The following RBM25 variants were observed in gnomAD, a reference collection of about 807,000 sequenced individuals.
The protein encoded by RBM25 is RNA binding motif protein 25, also known as RNA-binding protein 25.
In RBM25, 19 loss-of-function variants were observed where a neutral mutation model predicts 120.7. The ratio of observed to expected loss-of-function variants is 0.16; its 90% confidence interval spans 0.11 to 0.23. The LOEUF (loss-of-function observed/expected upper bound fraction) is 0.23. RBM25 is among the 10% of genes least tolerant of loss of function. RBM25 has a pLI of 1.00. For synonymous variants in RBM25, 390 were observed against 326.7 expected, an observed-to-expected ratio of 1.19 and a Z score of -2.09; for missense variants, 605 against 1,041.5, an observed-to-expected ratio of 0.58 and a Z score of 5.77.
chr14:73,115,153 C>CGTGTGTGTGTGTGTGTGTGTGTGT (rs33924709), intron 18 of RBM25, among the ~76,000 whole-genome samples: 2 of 146,678 alleles, frequency 1.4e-5, no homozygotes, highest in African/African-American at 5.0e-5. Flanking sequence ...GGAACTGATA[C>CGTGTGTGTGTGTGTGTGTGTGTGT]GTGTGTGTGT....
intron 18 of RBM25, among the ~76,000 whole-genome samples, chr14:73,116,023 G>A (rs915164288): frequency 1.3e-5 from 2 of 152,084 alleles, no homozygotes; most frequent in Admixed American, 6.5e-5. Flanking sequence ...CCAGATAGCT[G>A]CTCTTACAGT....
intron 6 of RBM25, among the ~76,000 whole-genome samples, chr14:73,095,874 T>C (rs1398916739): frequency 6.6e-6 from 1 of 152,174 alleles, no homozygotes; most frequent in Admixed American, 6.5e-5. Flanking sequence ...AGTAAGTCGT[T>C]AAAAACTTTG....
chr14:73,097,497 C>T (rs1895974473), intron 7 of RBM25, among the ~76,000 whole-genome samples: 1 of 152,104 alleles, frequency 6.6e-6, no homozygotes, highest in Non-Finnish European at 1.5e-5. Context: ...CCGTGCCCGG[C>T]CACATTTTAA....
At chr14:73,071,873 G>A (rs935581254) in intron 2 of RBM25, 126 bp downstream of exon 2, 157 of 690,262 alleles carry the variant, frequency 2.3e-4, no homozygotes, top group Non-Finnish European at 2.7e-5. Context: ...TTTGGGAAAT[G>A]TGGATGTCTC....
chr14:73,092,403 G>A (rs1895839045), intron 6 of RBM25, among the ~76,000 whole-genome samples: 1 of 152,054 alleles, frequency 6.6e-6, no homozygotes, highest in African/African-American at 2.4e-5. Context: ...TTAAGTAGAG[G>A]ATAGGAGAAT....
chr14:73,076,925 C>G (rs1744628235), intron 3 of RBM25, among the ~76,000 whole-genome samples: 1 of 152,134 alleles, frequency 6.6e-6, no homozygotes, highest in African/African-American at 2.4e-5. Flanking sequence ...ACTAAAAATA[C>G]AAAAAATTAT....
chr14:73,059,542 C>CT (rs1894950292), intron 1 of RBM25: 1 of 152,124 alleles, frequency 6.6e-6, no homozygotes, highest in Admixed American at 6.6e-5. Context: ...CATTTTGATA[C>CT]TGGGCAGAGT....
At chr14:73,098,474 C>T (rs1035844669) in intron 7 of RBM25, among the ~76,000 whole-genome samples, 19 of 151,928 alleles carry the variant, frequency 1.3e-4, no homozygotes, top group Admixed American at 3.9e-4. Context: ...AAAAGTACTA[C>T]GTGGTATATA....
At chr14:73,082,075 T>C (rs1465149675) in intron 4 of RBM25, among the ~76,000 whole-genome samples, 1 of 152,240 alleles carries the variant, frequency 6.6e-6, no homozygotes, top group East Asian at 1.9e-4. Flanking sequence ...GATGTTGAGC[T>C]TCCAGGTTTG....
intron 2 of RBM25, among the ~76,000 whole-genome samples, chr14:73,074,123 A>G (rs1427270144): frequency 6.6e-6 from 1 of 152,214 alleles, no homozygotes; most frequent in Non-Finnish European, 1.5e-5. Context: ...TGTTTTGAAC[A>G]ACTTTCATTT....
rs562240358 is a variant in RBM25, at chr14:73,122,078, T to G, written c.*2273T>G. Reference sequence around the variant, plus strand: ...TTTTTAGAATTGTATATATAAAGAATTAGACATTAAACAGGCATATTCTAG... The same window carrying G: ...TTTTTAGAATTGTATATATAAAGAAGTAGACATTAAACAGGCATATTCTAG... On this transcript the variant is annotated 3_prime_UTR_variant, in exon 19 of 19. Transcript: ENST00000261973. 6.6e-6 allele frequency: 1 copy of G among 152,316 alleles called. No homozygotes were observed. Among genetic ancestry groups the G allele is most frequent in the East Asian group, 1.9e-4 (1 of 5,188 alleles). 9.4% of individuals were successfully genotyped at this position (152,316 alleles called of 1,614,324 possible).
At chr14:73,113,147 G>A (rs1341518565) in intron 17 of RBM25, among the ~76,000 whole-genome samples, 3 of 151,874 alleles carry the variant, frequency 2.0e-5, no homozygotes, top group East Asian at 3.9e-4. Context: ...CCCACCCGCC[G>A]ACAGGCCCAG....
At chr14:73,107,070 T>A (rs1896206028) in intron 12 of RBM25, among the ~76,000 whole-genome samples, 1 of 151,870 alleles carries the variant, frequency 6.6e-6, no homozygotes, top group African/African-American at 2.4e-5. Flanking sequence ...CAAACTCCTG[T>A]CCTCAAATGA....
intron 1 of RBM25, among the ~76,000 whole-genome samples, chr14:73,063,339 C>T (rs1372060699): frequency 2.0e-5 from 3 of 150,782 alleles, no homozygotes; most frequent in African/African-American, 4.9e-5. Context: ...TTAGTAGAGA[C>T]GAGATTTCAC....
Position 73,080,490 on chromosome 14 carries a change from TG to T in RBM25, c.324+2957del, listed in dbSNP as rs1300241790. On this transcript the variant is annotated intron_variant, in intron 4 of 18. Transcript: ENST00000261973. ...TGCCCGCTTTGGCCTCCCAAAGTGC[TG>T]GGATTACAGGCGTGAGCCACCGCGC... Among the ~76,000 whole-genome samples the T allele has an allele frequency of 2.6e-5, 4 of 152,316 alleles. No homozygotes were observed. In the East Asian group the frequency reaches 5.8e-4, roughly 22 times the overall value.
At chr14:73,086,994 T>C (rs1311594471) in intron 5 of RBM25, among the ~76,000 whole-genome samples, 3 of 152,210 alleles carry the variant, frequency 2.0e-5, no homozygotes, top group East Asian at 3.9e-4. Context: ...CATGAGCCAC[T>C]GCGCCCGGCC....
At chr14:73,059,951 TTAAATC>T (rs1407145112) in intron 1 of RBM25, among the ~76,000 whole-genome samples, 1 of 152,224 alleles carries the variant, frequency 6.6e-6, no homozygotes, top group Non-Finnish European at 1.5e-5. Context: ...ACATAAGCAT[TTAAATC>T]TATATTGACA....
chr14:73,094,593 G>A (rs985047671), intron 6 of RBM25, among the ~76,000 whole-genome samples: 5 of 151,422 alleles, frequency 3.3e-5, no homozygotes, highest in Admixed American at 6.6e-5. Context: ...GACCATGCCC[G>A]GCTAATTTTT....
At position 73,111,093 on chromosome 14, in the gene RBM25, A is replaced by G. The variant is rs199648905; in HGVS notation, c.1955A>G (p.Asn652Ser). ...TGTGGTATTATTATTCCTCATGAAA[A>G]CTCACCAGATCAACAGCAACCTGAG... ...SPCGIIIPHE[N>S]SPDQQQPEEH... Residue 652 changes from asparagine (N) to serine (S), a missense_variant, in exon 15 of 19, where the codon AAC becomes AGC. Transcript: ENST00000261973. 1.4e-4 allele frequency: 229 copies of G among 1,614,006 alleles called. No homozygotes were observed. Among genetic ancestry groups the G allele is most frequent in the Non-Finnish European group, 2.5e-5 (30 of 1,179,990 alleles).
Sources: allele counts gnomAD v4.1 joint callset (sites outside exome capture counted in the v4.1 genomes callset), GRCh38; gene constraint gnomAD v4.1.1; transcripts MANE v1.5; gene names NCBI Gene and HGNC (gene_info 2026-07-23, HGNC 2026-07-21).